Variants in LRRC4C observed in about 807,000 individuals in gnomAD.
The protein encoded by LRRC4C is leucine rich repeat containing 4C.
In LRRC4C, 5 loss-of-function variants were observed where a neutral mutation model predicts 33.6. The ratio of observed to expected loss-of-function variants is 0.15; its 90% CI spans 0.08 to 0.31. The LOEUF (loss-of-function observed/expected upper bound fraction) is 0.31, where lower values mean the gene tolerates loss of function less well. LRRC4C is among the 10% of genes least tolerant of loss of function. The probability of loss-of-function intolerance (pLI) is 1.00; values close to 1 mark genes in which losing one functional copy is unlikely to be tolerated. For missense variants in LRRC4C, 560 were observed against 796.7 expected, an observed-to-expected ratio of 0.70 and a Z score of 3.58; for synonymous variants, 329 against 302.0, an observed-to-expected ratio of 1.09 and a Z score of -0.93.
chr11:41,011,296 A>G (rs1474525149), intron 1 of LRRC4C, among the ~76,000 whole-genome samples: 1 of 152,056 alleles, frequency 6.6e-6, no homozygotes. Flanking sequence ...TATTTTTTTC[A>G]AGTTAATCTG....
intron 2 of LRRC4C, among the ~76,000 whole-genome samples, chr11:40,823,419 A>ATT (rs1179941553): frequency 6.6e-6 from 1 of 151,662 alleles, no homozygotes; most frequent in Non-Finnish European, 1.5e-5. Flanking sequence ...AAATACATTA[A>ATT]TTAATTAATT....
intron 3 of LRRC4C, among the ~76,000 whole-genome samples, chr11:40,549,876 T>A (rs903586060): frequency 1.3e-5 from 2 of 152,130 alleles, no homozygotes; most frequent in African/African-American, 4.8e-5. Context: ...AGGTGACACA[T>A]GGATGCTAAT....
chr11:40,534,155 C>T (rs1956381115), intron 3 of LRRC4C, among the ~76,000 whole-genome samples: 1 of 152,044 alleles, frequency 6.6e-6, no homozygotes, highest in Non-Finnish European at 1.5e-5. Flanking sequence ...GTGTTTACTG[C>T]TCAGAATGGT....
intron 3 of LRRC4C, among the ~76,000 whole-genome samples, chr11:40,406,376 C>A (rs985212072): frequency 6.6e-5 from 10 of 152,054 alleles, no homozygotes; most frequent in Admixed American, 1.3e-4. Flanking sequence ...TGTCAAAGCA[C>A]AAAGCATGTT....
At chr11:40,310,670 C>A (rs1428557303) in intron 4 of LRRC4C, among the ~76,000 whole-genome samples, 4 of 152,128 alleles carry the variant, frequency 2.6e-5, no homozygotes, top group African/African-American at 9.7e-5. Flanking sequence ...TCACAACAAC[C>A]ACCCCACCCC....
chr11:40,930,268 C>T (rs1364524740), intron 2 of LRRC4C, among the ~76,000 whole-genome samples: 2 of 151,984 alleles, frequency 1.3e-5, no homozygotes, highest in East Asian at 1.9e-4. Flanking sequence ...CACAAAGAAA[C>T]CTGGAGAGTA....
At chr11:40,521,195 A>G (rs1955796206) in intron 3 of LRRC4C, among the ~76,000 whole-genome samples, 1 of 152,236 alleles carries the variant, frequency 6.6e-6, no homozygotes, top group Non-Finnish European at 1.5e-5. Context: ...CTCTGATAAA[A>G]AAGCAGTCTA....
chr11:40,711,235 T>G (rs889621054), intron 2 of LRRC4C, among the ~76,000 whole-genome samples: 3 of 152,166 alleles, frequency 2.0e-5, no homozygotes, highest in Admixed American at 6.5e-5. Flanking sequence ...ATGAACCAGG[T>G]ACCTCAGTTG....
At chr11:40,411,694 A>T (rs537535241) in intron 3 of LRRC4C, among the ~76,000 whole-genome samples, 19 of 152,198 alleles carry the variant, frequency 1.2e-4, no homozygotes, top group African/African-American at 4.3e-4. Context: ...AGAGGAAACA[A>T]TGTAAGATTA....
intron 1 of LRRC4C, among the ~76,000 whole-genome samples, chr11:41,262,137 C>A (rs1268929347): frequency 6.6e-6 from 1 of 151,876 alleles, no homozygotes; most frequent in Non-Finnish European, 1.5e-5. Context: ...ACTATTTGAC[C>A]TTTTAACCTA....
At chr11:40,151,836 A>T (rs1454559144) in intron 5 of LRRC4C, among the ~76,000 whole-genome samples, 1 of 152,200 alleles carries the variant, frequency 6.6e-6, no homozygotes, top group African/African-American at 2.4e-5. Context: ...ATACTCCAGA[A>T]ATTCTACAAC....
At chr11:40,182,836 T>G (rs562226329) in intron 5 of LRRC4C, among the ~76,000 whole-genome samples, 3 of 152,350 alleles carry the variant, frequency 2.0e-5, no homozygotes, top group South Asian at 4.1e-4. Flanking sequence ...AAACATATAC[T>G]GAACTCTTAT....
chr11:41,115,432 A>G (rs1002539122), intron 1 of LRRC4C, among the ~76,000 whole-genome samples: 3 of 150,446 alleles, frequency 2.0e-5, no homozygotes, highest in African/African-American at 7.3e-5. Context: ...CTCCTTATTT[A>G]GCAGTAAAAT....
intron 3 of LRRC4C, among the ~76,000 whole-genome samples, chr11:40,401,727 G>T (rs565333193): frequency 3.3e-5 from 5 of 152,178 alleles, no homozygotes; most frequent in Non-Finnish European, 7.4e-5. Context: ...TGGCAGGAAG[G>T]GGAAAAATAA....
chr11:40,223,070 AG>A (rs1565153874), intron 5 of LRRC4C, among the ~76,000 whole-genome samples: 1 of 142,434 alleles, frequency 7.0e-6, no homozygotes, highest in East Asian at 1.9e-4. Context: ...AAAATAAAAA[AG>A]GTTAGAAATA....
chr11:41,153,310 T>C (rs1475138387), intron 1 of LRRC4C, among the ~76,000 whole-genome samples: 1 of 152,170 alleles, frequency 6.6e-6, no homozygotes, highest in African/African-American at 2.4e-5. Flanking sequence ...TTGAAGGGAA[T>C]GATGGTATTT....
chr11:40,384,303 A>G (rs186014588), intron 3 of LRRC4C, among the ~76,000 whole-genome samples: 188 of 152,286 alleles, frequency 1.2e-3, no homozygotes, highest in African/African-American at 4.4e-3. Flanking sequence ...GAAAGGGAGT[A>G]AAGAAAAACT....
At chr11:40,230,839 T>C (rs1306574170) in intron 5 of LRRC4C, among the ~76,000 whole-genome samples, 1 of 152,212 alleles carries the variant, frequency 6.6e-6, no homozygotes, top group East Asian at 1.9e-4. Context: ...CTTCTCTATT[T>C]AGTTTAACAA....
chr11:41,434,997 A>T (rs896652244), intron 1 of LRRC4C, among the ~76,000 whole-genome samples: 3 of 152,110 alleles, frequency 2.0e-5, no homozygotes, highest in African/African-American at 7.2e-5. Flanking sequence ...TAAGCCAGGG[A>T]CTACTTTCAG....
Sources: gnomAD v4.1 joint callset for allele counts (sites outside exome capture counted in the v4.1 genomes callset) on GRCh38, gnomAD v4.1.1 for gene constraint, MANE v1.5 for transcripts, NCBI Gene and HGNC (gene_info 2026-07-23, HGNC 2026-07-21) for gene names.